ABCA5: variants seen among roughly 807,000 people sequenced by gnomAD.
ABCA5 encodes the protein cholesterol transporter ABCA5.
In ABCA5, 163 loss-of-function variants were observed where a neutral mutation model predicts 206.0. The ratio of observed to expected loss-of-function variants is 0.79; its 90% CI spans 0.70 to 0.90. ABCA5 has a LOEUF of 0.90. Among genes scored for constraint, ABCA5 ranks in the 40% least tolerant of loss-of-function variants. The pLI, the probability that ABCA5 is intolerant of heterozygous loss-of-function variation, is 0.00. For missense variants in ABCA5, 1,859 were observed against 1,912.9 expected, an observed-to-expected ratio of 0.97 and a Z score of 0.53; for synonymous variants, 609 against 613.8, an observed-to-expected ratio of 0.99 and a Z score of 0.11.
At chr17:69,277,043 A>C (rs2075340268) in intron 19 of ABCA5, among the ~76,000 whole-genome samples, 1 of 152,176 alleles carries the variant, frequency 6.6e-6, no homozygotes, top group Non-Finnish European at 1.5e-5. Flanking sequence ...GAAAGTGGTT[A>C]ATGTTATTTC....
At chr17:69,253,946 G>A (rs977874688) in intron 32 of ABCA5, 77 bp from the exon 33 acceptor site, 28 of 1,235,340 alleles carry the variant, frequency 2.3e-5, no homozygotes, top group East Asian at 4.7e-5. Flanking sequence ...GATCCCTGAT[G>A]TTGTTTTCTC....
intron 23 of ABCA5, among the ~76,000 whole-genome samples, 171 bp from the exon 24 acceptor site, chr17:69,265,076 A>G (rs996738638): frequency 6.6e-6 from 1 of 152,132 alleles, no homozygotes; most frequent in African/African-American, 2.4e-5. Flanking sequence ...AATTCCATTT[A>G]GCCTTTAATT....
intron 18 of ABCA5, among the ~76,000 whole-genome samples, chr17:69,283,276 G>A (rs557018624): frequency 8.5e-4 from 130 of 152,128 alleles, no homozygotes; most frequent in African/African-American, 3.0e-3. Flanking sequence ...GAACCACTGC[G>A]CCCGGCCTCC....
chr17:69,302,700 G>T lies in ABCA5; in HGVS notation c.1119+18C>A, dbSNP rs200276459. ...GAAAGAAAATATTTAGTGAATGCAAGATTAATATATTACCTACCTGTGCAA... is the reference window on the plus strand; with the variant it reads ...GAAAGAAAATATTTAGTGAATGCAATATTAATATATTACCTACCTGTGCAA... On this transcript the variant is annotated intron_variant, in intron 8 of 38. Coordinates refer to ENST00000392676, the MANE Select transcript of ABCA5 (RefSeq NM_172232.4). The T allele has an allele frequency of 6.9e-7, 1 of 1,444,936 alleles. No individual in the cohort carries two copies. Among genetic ancestry groups the T allele is most frequent in the African/African-American group, 1.4e-5 (1 of 69,036 alleles). 89.5% of individuals were successfully genotyped at this position (1,444,936 alleles called of 1,614,324 possible).
At chr17:69,294,594 C>T in intron 11 of ABCA5, 61 bp downstream of exon 11, 2 of 1,343,032 alleles carry the variant, frequency 1.5e-6, no homozygotes, top group Non-Finnish European at 2.1e-6. Flanking sequence ...ACAAGCTATG[C>T]AAATTATTTT....
chr17:69,274,702 C>T (rs1342049741), intron 19 of ABCA5, among the ~76,000 whole-genome samples: 1 of 151,940 alleles, frequency 6.6e-6, no homozygotes, highest in Non-Finnish European at 1.5e-5. Flanking sequence ...TATTTTAGAT[C>T]AGTGATGCCC....
At chr17:69,291,387 A>G (rs955248390) in intron 11 of ABCA5, 61 bp from the exon 12 acceptor site, 1 of 1,032,468 alleles carries the variant, frequency 9.7e-7, no homozygotes, top group African/African-American at 1.6e-5. Flanking sequence ...TATGCATGAT[A>G]ATTCATAATA....
intron 19 of ABCA5, among the ~76,000 whole-genome samples, chr17:69,275,032 C>T (rs2075315917): frequency 6.6e-6 from 1 of 151,792 alleles, no homozygotes; most frequent in Non-Finnish European, 1.5e-5. Flanking sequence ...TTAGTAGAGA[C>T]AGGGTTTTGC....
intron 37 of ABCA5, 108 bp downstream of exon 37, chr17:69,249,797 T>C: frequency 7.1e-7 from 1 of 1,410,942 alleles, no homozygotes; most frequent in Non-Finnish European, 9.6e-7. Context: ...AGCTACAACA[T>C]AAGTGCTTTT....
At chr17:69,310,404 T>C (rs2075757705) in intron 3 of ABCA5, among the ~76,000 whole-genome samples, 2 of 152,298 alleles carry the variant, frequency 1.3e-5, no homozygotes, top group East Asian at 3.9e-4. Flanking sequence ...GCCTCCGGAC[T>C]AGTTGGGATT....
intron 3 of ABCA5, among the ~76,000 whole-genome samples, chr17:69,312,206 T>C (rs2075777145): frequency 6.6e-6 from 1 of 152,202 alleles, no homozygotes; most frequent in Non-Finnish European, 1.5e-5. Context: ...GCTTTTGCTT[T>C]AGGTTCTCTC....
At chr17:69,267,678 C>A (rs2075225948) in intron 23 of ABCA5, among the ~76,000 whole-genome samples, 1 of 152,086 alleles carries the variant, frequency 6.6e-6, no homozygotes, top group Non-Finnish European at 1.5e-5. Context: ...TCTTTGATTT[C>A]CTGATCTATA....
At chr17:69,255,465 C>A (rs886239411) in intron 31 of ABCA5, 78 bp downstream of exon 31, 6 of 924,028 alleles carry the variant, frequency 6.5e-6, no homozygotes, top group African/African-American at 5.2e-5. Context: ...ATATAAAATC[C>A]GAATTTGTCA....
At chr17:69,303,030 A>T in intron 7 of ABCA5, 124 bp from the exon 8 acceptor site, 1 of 497,838 alleles carries the variant, frequency 2.0e-6, no homozygotes. Context: ...AAATACAACT[A>T]TAATTTCTAA....
chr17:69,249,153 G>A (rs555362210), intron 37 of ABCA5: 1 of 152,098 alleles, frequency 6.6e-6, no homozygotes, highest in Admixed American at 6.5e-5. Context: ...TACAGTATCA[G>A]GAAATCTTTT....
At chr17:69,324,871 G>A (rs1002975127) in intron 1 of ABCA5, among the ~76,000 whole-genome samples, 1 of 152,010 alleles carries the variant, frequency 6.6e-6, no homozygotes, top group Non-Finnish European at 1.5e-5. Flanking sequence ...GAACATATCT[G>A]GCACATGAAA....
Position 69,274,070 on chromosome 17 carries a change from A to G in ABCA5, c.2653T>C (p.Ser885Pro). 1 of 1,606,416 alleles carries G rather than the reference A, an allele frequency of 6.2e-7. No individual in the cohort carries two copies. Among genetic ancestry groups the G allele is most frequent in the Non-Finnish European group, 8.5e-7 (1 of 1,177,958 alleles). ...ATGGGAACCACAGCATTTTTAAAAG[A>G]GTGATGAACCAAAAACATAAAAATC... ...VQIFMFLVHHSFKNAVVPIKL... is the reference protein window; with the variant it reads ...VQIFMFLVHHPFKNAVVPIKL... Residue 885 changes from serine (S) to proline (P), a missense_variant, in exon 20 of 39, where the codon TCT (serine) becomes CCT (proline). Transcript: ENST00000392676.
At chr17:69,299,577 T>A (rs186911756) in intron 9 of ABCA5, among the ~76,000 whole-genome samples, 1 of 151,934 alleles carries the variant, frequency 6.6e-6, no homozygotes, top group Non-Finnish European at 1.5e-5. Context: ...GAGACCATTA[T>A]TCTAAGTAAA....
intron 22 of ABCA5, among the ~76,000 whole-genome samples, chr17:69,270,174 A>T (rs975183096): frequency 2.6e-5 from 4 of 152,130 alleles, no homozygotes; most frequent in Admixed American, 2.6e-4. Context: ...TAGCATATGA[A>T]AATCAAAAGG....
Sources: allele counts gnomAD v4.1 joint callset (sites outside exome capture counted in the v4.1 genomes callset), GRCh38; gene constraint gnomAD v4.1.1; transcripts MANE v1.5; gene names NCBI Gene and HGNC (gene_info 2026-07-23, HGNC 2026-07-21).